Variants in KCNIP1 observed in about 807,000 individuals in gnomAD.
KCNIP1 encodes potassium voltage-gated channel interacting protein 1.
Under a neutral mutation model 33.0 loss-of-function variants are expected in KCNIP1, and 18 were observed. That is an observed-to-expected ratio of 0.55 (90% confidence interval 0.38 to 0.81). The LOEUF is 0.81. Among genes scored for constraint, KCNIP1 ranks in the 30% least tolerant of loss-of-function variants. The pLI, the probability that KCNIP1 is intolerant of heterozygous loss-of-function variation, is 0.00. For missense variants in KCNIP1, 238 were observed against 271.6 expected (o/e 0.88, Z 0.87); for synonymous variants, 93 against 98.3 (o/e 0.95, Z 0.32).
At chr5:170,572,634 TCAC>T (rs1430621254) in intron 1 of KCNIP1, among the ~76,000 whole-genome samples, 3 of 152,264 alleles carry the variant, frequency 2.0e-5, no homozygotes, top group Non-Finnish European at 4.4e-5. Context: ...CTCTCAGTTT[TCAC>T]CACAAGTTGT....
At chr5:170,368,146 C>G (rs948652932) in intron 1 of KCNIP1, among the ~76,000 whole-genome samples, 1 of 152,162 alleles carries the variant, frequency 6.6e-6, no homozygotes, top group African/African-American at 2.4e-5. Flanking sequence ...AATGCAGTTC[C>G]AGTCTGTGGG....
intron 1 of KCNIP1, among the ~76,000 whole-genome samples, chr5:170,670,931 G>C (rs1205181413): frequency 1.3e-5 from 2 of 151,422 alleles, no homozygotes; most frequent in African/African-American, 4.9e-5. Context: ...AAAAGAAGAG[G>C]ACATCTGGAG....
At chr5:170,718,228 C>T (rs1165847034) in intron 1 of KCNIP1, among the ~76,000 whole-genome samples, 2 of 152,152 alleles carry the variant, frequency 1.3e-5, no homozygotes, top group East Asian at 1.9e-4. Flanking sequence ...CAAAACAATA[C>T]GCTGTAAATA....
chr5:170,551,865 TGA>T (rs1261275672), intron 1 of KCNIP1, among the ~76,000 whole-genome samples: 2 of 145,382 alleles, frequency 1.4e-5, no homozygotes, highest in Non-Finnish European at 3.0e-5. Context: ...ACTGTGTGTT[TGA>T]GTGTGTGTGT....
At chr5:170,611,032 G>A (rs895654584) in intron 1 of KCNIP1, among the ~76,000 whole-genome samples, 1 of 152,240 alleles carries the variant, frequency 6.6e-6, no homozygotes, top group African/African-American at 2.4e-5. Context: ...CTTTTCAAAA[G>A]TCACACAGGT....
At chr5:170,693,536 G>A (rs1374545196) in intron 1 of KCNIP1, among the ~76,000 whole-genome samples, 3 of 152,134 alleles carry the variant, frequency 2.0e-5, no homozygotes, top group Non-Finnish European at 2.9e-5. Context: ...CAGGTGACAG[G>A]TATGAGAGCC....
intron 1 of KCNIP1, among the ~76,000 whole-genome samples, chr5:170,527,358 G>C (rs369446395): frequency 5.9e-5 from 9 of 152,140 alleles, no homozygotes; most frequent in African/African-American, 1.7e-4. Flanking sequence ...ACTGAGACAG[G>C]GTACTGGCCC....
At position 170,670,665 on chromosome 5, in the gene KCNIP1, G is replaced by T. The variant is rs73319359; in HGVS notation, c.62-48093G>T. 8.0e-3 allele frequency among the ~76,000 whole-genome samples: 1,221 copies of T among 152,238 alleles called. 21 individuals are homozygous for T. Among genetic ancestry groups the T allele is most frequent in the East Asian group, 0.069 (357 of 5,162 alleles). ...CCCAGCACTTTGGGAGGCTGAAGCG[G>T]GTGGACCGCCTGAGCTCAGGAGTTC... On this transcript the variant is annotated intron_variant, in intron 1 of 7. Coordinates refer to ENST00000328939, the MANE Select transcript of KCNIP1 (RefSeq NM_014592.4).
At chr5:170,447,894 T>C (rs969410391) in intron 1 of KCNIP1, among the ~76,000 whole-genome samples, 4 of 151,878 alleles carry the variant, frequency 2.6e-5, no homozygotes, top group South Asian at 2.1e-4. Flanking sequence ...GCACATGTCA[T>C]TTCTCTCACC....
At chr5:170,673,975 A>C (rs556341465) in intron 1 of KCNIP1, among the ~76,000 whole-genome samples, 1 of 152,196 alleles carries the variant, frequency 6.6e-6, no homozygotes, top group African/African-American at 2.4e-5. Context: ...GTGACACAGC[A>C]GTTTTATTCC....
chr5:170,618,234 T>C (rs570279171), intron 1 of KCNIP1, among the ~76,000 whole-genome samples: 6 of 152,098 alleles, frequency 3.9e-5, no homozygotes, highest in Admixed American at 2.0e-4. Context: ...TTGGCTGCAA[T>C]GACTTGCAGG....
intron 1 of KCNIP1, among the ~76,000 whole-genome samples, chr5:170,614,560 G>C (rs541856318): frequency 6.6e-6 from 1 of 152,142 alleles, no homozygotes; most frequent in Non-Finnish European, 1.5e-5. Flanking sequence ...TTTTTTAAAC[G>C]TAAAAAGGGG....
At chr5:170,463,361 A>G (rs1756546304) in intron 1 of KCNIP1, among the ~76,000 whole-genome samples, 1 of 152,150 alleles carries the variant, frequency 6.6e-6, no homozygotes, top group African/African-American at 2.4e-5. Context: ...CAAACCATAC[A>G]AAGCCACTAC....
intron 1 of KCNIP1, among the ~76,000 whole-genome samples, chr5:170,587,601 A>G (rs565538534): frequency 1.2e-4 from 19 of 152,006 alleles, no homozygotes; most frequent in Non-Finnish European, 2.4e-4. Flanking sequence ...GGCCACTCAC[A>G]TTCCTTGTCT....
At chr5:170,624,279 G>A (rs1759727310) in intron 1 of KCNIP1, among the ~76,000 whole-genome samples, 1 of 152,140 alleles carries the variant, frequency 6.6e-6, no homozygotes, top group Admixed American at 6.5e-5. Flanking sequence ...CTAGGTGCAG[G>A]GGATACAGCA....
chr5:170,734,624 G>A (rs551744078), intron 7 of KCNIP1, among the ~76,000 whole-genome samples: 1 of 152,240 alleles, frequency 6.6e-6, no homozygotes, highest in South Asian at 2.1e-4. Flanking sequence ...ATCTACTTTT[G>A]AGAAATCCAT....
chr5:170,717,993 T>A, intron 1 of KCNIP1, among the ~76,000 whole-genome samples: 1 of 152,212 alleles, frequency 6.6e-6, no homozygotes, highest in Non-Finnish European at 1.5e-5. Context: ...TTCCACGGAC[T>A]TGGACCTTGT....
At chr5:170,505,942 A>G (rs912337827) in intron 1 of KCNIP1, among the ~76,000 whole-genome samples, 2 of 152,250 alleles carry the variant, frequency 1.3e-5, no homozygotes, top group African/African-American at 4.8e-5. Context: ...TCCTGTTACC[A>G]GTCCTGACCA....
chr5:170,563,173 G>A lies in KCNIP1; in HGVS notation c.61+58540G>A, dbSNP rs540976743. Among the ~76,000 whole-genome samples the A allele has an allele frequency of 1.5e-4, 23 of 152,308 alleles. No homozygotes were observed. In the South Asian group the frequency reaches 4.8e-3, roughly 32 times the overall value. On this transcript the variant is annotated intron_variant, in intron 1 of 7. Transcript: ENST00000328939. ...CTCACCCCCACTCCTCCAGAGTGCA[G>A]ATGACTATTTCACTTACTGATTTGG... is the stretch of plus-strand genomic sequence containing the variant.
Sources: gnomAD v4.1 joint callset for allele counts (sites outside exome capture counted in the v4.1 genomes callset) on GRCh38, gnomAD v4.1.1 for gene constraint, MANE v1.5 for transcripts, NCBI Gene and HGNC (gene_info 2026-07-23, HGNC 2026-07-21) for gene names.